The following RAB11FIP2 variants were observed in gnomAD, a reference collection of about 807,000 sequenced individuals.
RAB11FIP2 encodes the protein RAB11 family interacting protein 2, also known as rab11 family-interacting protein 2.
RAB11FIP2 carries 16 observed loss-of-function variants against 40.9 expected under a neutral mutation model. The ratio of observed to expected loss-of-function variants is 0.39; its 90% CI spans 0.26 to 0.59. RAB11FIP2 has a LOEUF of 0.59. RAB11FIP2 is among the 20% of genes least tolerant of loss of function. The pLI, the probability that RAB11FIP2 is intolerant of heterozygous loss-of-function variation, is 0.53. For synonymous variants in RAB11FIP2, 228 were observed against 213.7 expected, an observed-to-expected ratio of 1.07 and a Z score of -0.58; for missense variants, 532 against 606.2, an observed-to-expected ratio of 0.88 and a Z score of 1.28.
intron 2 of RAB11FIP2, 73 bp downstream of exon 2, chr10:118,040,050 A>G: frequency 1.4e-6 from 2 of 1,412,182 alleles, no homozygotes; most frequent in Non-Finnish European, 1.9e-6. Flanking sequence ...TTGATTTACT[A>G]AATTTAGAAA....
At chr10:118,043,497 C>T (rs1237431214) in intron 1 of RAB11FIP2, 1 of 152,186 alleles carries the variant, frequency 6.6e-6, no homozygotes, top group Non-Finnish European at 1.5e-5. Context: ...CCCAGGCCCA[C>T]TCAAAGGGTT....
In RAB11FIP2 at chr10:118,040,114, G is replaced by A. The variant is rs1846535318; in HGVS notation, c.796+9C>T. 4.4e-6 allele frequency: 7 copies of A among 1,608,000 alleles called. No individual in the cohort carries two copies. Among genetic ancestry groups the A allele is most frequent in the Non-Finnish European group, 6.0e-6 (7 of 1,175,938 alleles). ...CAGACCAATGAGTACACAAGAATGT[G>A]ACACTTACCACTTTCTGGAACTGTT... On this transcript the variant is annotated intron_variant, in intron 2 of 4. Transcript: ENST00000355624.
intron 3 of RAB11FIP2, among the ~76,000 whole-genome samples, chr10:118,036,129 T>C (rs1171753515): frequency 1.3e-5 from 2 of 152,098 alleles, no homozygotes; most frequent in Admixed American, 1.3e-4. Flanking sequence ...AAGAAAATTC[T>C]CCAGTTTTAA....
chr10:118,007,238 A>G lies in RAB11FIP2; in HGVS notation c.*1760T>C, dbSNP rs566520776. The G allele has an allele frequency of 2.0e-5, 3 of 151,770 alleles. No individual in the cohort carries two copies. In the East Asian group the frequency reaches 5.8e-4, roughly 29 times the overall value. 9.4% of individuals were successfully genotyped at this position (151,770 alleles called of 1,614,324 possible). A position where few individuals can be genotyped will look rare whatever the true frequency, so the allele number is the denominator to read the frequency against. On this transcript the variant is annotated 3_prime_UTR_variant, in exon 5 of 5. Coordinates refer to ENST00000355624, the MANE Select transcript of RAB11FIP2 (RefSeq NM_014904.3). ...TCTACACCAGACTTTGAGGTTTATT[A>G]CAGAATCTTGAGGAGAAAAAAATTG...
intron 1 of RAB11FIP2, among the ~76,000 whole-genome samples, chr10:118,044,694 G>A (rs1344579200): frequency 6.6e-6 from 1 of 152,038 alleles, no homozygotes; most frequent in East Asian, 1.9e-4. Flanking sequence ...CCAATCAAGA[G>A]AAGCCTGAGA....
chr10:118,035,708 T>C (rs1846472463), intron 3 of RAB11FIP2, among the ~76,000 whole-genome samples: 1 of 152,068 alleles, frequency 6.6e-6, no homozygotes, highest in Non-Finnish European at 1.5e-5. Context: ...AAACTCTTCA[T>C]GGTAGTGGGC....
intron 3 of RAB11FIP2, among the ~76,000 whole-genome samples, chr10:118,018,547 A>C (rs2133166098): frequency 6.6e-6 from 1 of 152,362 alleles, no homozygotes; most frequent in Non-Finnish European, 1.5e-5. Context: ...AAAATGACTT[A>C]CCTTAACATT....
chr10:118,034,124 C>G, intron 3 of RAB11FIP2: 2 of 685,632 alleles, frequency 2.9e-6, no homozygotes, highest in Non-Finnish European at 5.3e-6. Context: ...CCACCGTACA[C>G]AATTATGACG....
intron 3 of RAB11FIP2, among the ~76,000 whole-genome samples, chr10:118,037,496 A>G (rs1846496127): frequency 6.6e-6 from 1 of 152,106 alleles, no homozygotes; most frequent in Non-Finnish European, 1.5e-5. Flanking sequence ...AAAACAAAGC[A>G]CTGTTTTTTA....
intron 3 of RAB11FIP2, among the ~76,000 whole-genome samples, chr10:118,025,354 C>T (rs765097210): frequency 3.3e-5 from 5 of 152,118 alleles, no homozygotes; most frequent in Non-Finnish European, 7.3e-5. Flanking sequence ...AAAGAGTGTA[C>T]CTCTAATACA....
At chr10:118,033,868 A>C in intron 3 of RAB11FIP2, 2 of 672,478 alleles carry the variant, frequency 3.0e-6, no homozygotes, top group Non-Finnish European at 5.4e-6. Flanking sequence ...ATATATATAT[A>C]AATCTCAGTA....
intron 3 of RAB11FIP2, among the ~76,000 whole-genome samples, chr10:118,029,389 C>G (rs1846386458): frequency 6.6e-6 from 1 of 152,090 alleles, no homozygotes; most frequent in South Asian, 2.1e-4. Flanking sequence ...GTCCTTCTTC[C>G]CTTTCCCATC....
chr10:118,021,363 A>G (rs1846281663), intron 3 of RAB11FIP2, among the ~76,000 whole-genome samples: 1 of 152,212 alleles, frequency 6.6e-6, no homozygotes, highest in South Asian at 2.1e-4. Context: ...ATCTTATACC[A>G]TAAAATCTCA....
intron 3 of RAB11FIP2, 104 bp downstream of exon 3, chr10:118,038,863 CAAATA>C (rs1649080999): frequency 3.8e-6 from 3 of 788,964 alleles, no homozygotes; most frequent in Non-Finnish European, 5.7e-6. Flanking sequence ...AAATGTTTTT[CAAATA>C]AAATAAAATG....
At chr10:118,025,434 T>G (rs935752758) in intron 3 of RAB11FIP2, among the ~76,000 whole-genome samples, 1 of 152,170 alleles carries the variant, frequency 6.6e-6, no homozygotes, top group Non-Finnish European at 1.5e-5. Flanking sequence ...GTTACATCAT[T>G]AAAATGTTTC....
chr10:118,046,354 G>T lies in RAB11FIP2; in HGVS notation c.-191C>A. ...AGCCCAGGGGCACGGCCGCTCCGGG[G>T]GTCCCCTTTCGTCTGGAGAAACACA... On this transcript the variant is annotated 5_prime_UTR_variant, in exon 1 of 5. Transcript: ENST00000355624. 1.7e-6 allele frequency: 1 copy of T among 590,430 alleles called. No homozygotes were observed. The highest frequency in any genetic ancestry group is 3.0e-6 in the Non-Finnish European group (1 of 334,948). The allele number at this position is 590,430 out of a possible 1,614,324, so 36.6% of individuals were successfully genotyped here.
rs1846084068 is a variant in RAB11FIP2, at chr10:118,005,748, GT to G, written c.*3249del. 6.6e-6 allele frequency: 1 copy of G among 151,888 alleles called. No homozygotes were observed. Among genetic ancestry groups the G allele is most frequent in the Admixed American group, 6.6e-5 (1 of 15,220 alleles). The allele number at this position is 151,888 out of a possible 1,614,324, so 9.4% of individuals were successfully genotyped here. A position where few individuals can be genotyped will look rare whatever the true frequency, so the allele number is the denominator to read the frequency against. ...TTTACTGTAGATATATTAGACAACAGTTTTTTGTTTTTTTTTTTAGATTCTC... is the reference window on the plus strand; with the variant it reads ...TTTACTGTAGATATATTAGACAACAGTTTTTGTTTTTTTTTTTAGATTCTC... On this transcript the variant is annotated 3_prime_UTR_variant, in exon 5 of 5. Coordinates refer to ENST00000355624, the MANE Select transcript of RAB11FIP2 (RefSeq NM_014904.3).
At position 118,008,673 on chromosome 10, in the gene RAB11FIP2, G is replaced by A. The variant is rs1403172056; in HGVS notation, c.*325C>T. ...TGCTTTATGAAAAATCTATTCCTGA[G>A]GAACAACTCACGTACTTCTGAAGAT... is the stretch of plus-strand genomic sequence containing the variant. On this transcript the variant is annotated 3_prime_UTR_variant, in exon 5 of 5. Coordinates refer to ENST00000355624, the MANE Select transcript of RAB11FIP2 (RefSeq NM_014904.3). 8.7e-6 allele frequency: 2 copies of A among 230,954 alleles called. No individual in the cohort carries two copies. The highest frequency in any genetic ancestry group is 1.7e-5 in the Non-Finnish European group (2 of 116,402). 14.3% of individuals were successfully genotyped at this position (230,954 alleles called of 1,614,324 possible). A position where few individuals can be genotyped will look rare whatever the true frequency, so the allele number is the denominator to read the frequency against.
chr10:118,036,111 T>G (rs891094360), intron 3 of RAB11FIP2, among the ~76,000 whole-genome samples: 2 of 152,112 alleles, frequency 1.3e-5, no homozygotes, highest in African/African-American at 2.4e-5. Context: ...TTTAAAATTT[T>G]GGGCATAAAG....
Sources: allele counts gnomAD v4.1 joint callset (sites outside exome capture counted in the v4.1 genomes callset), GRCh38; gene constraint gnomAD v4.1.1; transcripts MANE v1.5; gene names NCBI Gene and HGNC (gene_info 2026-07-23, HGNC 2026-07-21).